Variants in ARID1B observed in about 807,000 individuals in gnomAD.
The protein encoded by ARID1B is AT-rich interactive domain-containing protein 1B.
A neutral mutation model predicts 212.3 loss-of-function variants in ARID1B; 30 were observed. The ratio of observed to expected loss-of-function variants is 0.14; its 90% confidence interval spans 0.11 to 0.19. ARID1B has a LOEUF of 0.19. Ranked by LOEUF, ARID1B falls within the 10% of genes least tolerant of loss-of-function variation. The probability of loss-of-function intolerance (pLI) is 1.00; values close to 1 mark genes in which losing one functional copy is unlikely to be tolerated. For synonymous variants in ARID1B, 1,402 were observed against 1,301.7 expected, an observed-to-expected ratio of 1.08 and a Z score of -1.66; for missense variants, 2,891 against 3,204.0, an observed-to-expected ratio of 0.90 and a Z score of 2.36.
At chr6:156,858,344 A>G (rs988439190) in intron 2 of ARID1B, among the ~76,000 whole-genome samples, 1 of 152,234 alleles carries the variant, frequency 6.6e-6, no homozygotes, top group Non-Finnish European at 1.5e-5. Context: ...GTTAACAATA[A>G]TGTAATTTCA....
intron 5 of ARID1B, among the ~76,000 whole-genome samples, chr6:157,088,793 T>TC (rs1378549906): frequency 6.6e-6 from 1 of 152,212 alleles, no homozygotes; most frequent in African/African-American, 2.4e-5. Flanking sequence ...ATACATCAGA[T>TC]CCCAAGTTCA....
Position 156,871,783 on chromosome 6 carries a change from C to A in ARID1B, c.1987-29593C>A, listed in dbSNP as rs926708925. On this transcript the variant is annotated intron_variant, in intron 2 of 19. Coordinates refer to ENST00000636930, the MANE Select transcript of ARID1B (RefSeq NM_001374828.1). ...GGCTTCTTAGATGGGAGGCTGAGGG[C>A]CCATCCCTGTGCAGGTGCATGTCCT... 1.1e-5 allele frequency: 12 copies of A among 1,083,908 alleles called. No individual in the cohort carries two copies. In the Middle Eastern group the frequency reaches 6.2e-4, roughly 56 times the overall value. 67.1% of individuals were successfully genotyped at this position (1,083,908 alleles called of 1,614,324 possible). A position where few individuals can be genotyped will look rare whatever the true frequency, so the allele number is the denominator to read the frequency against.
At chr6:156,897,264 C>CTTCTTCTTCTTCTTCTTCTTCTTATTA (rs71027320) in intron 2 of ARID1B, among the ~76,000 whole-genome samples, 48 of 83,564 alleles carry the variant, frequency 5.7e-4, no homozygotes, top group Middle Eastern at 5.2e-3. Flanking sequence ...TCTTCTTCTT[C>CTTCTTCTTCTTCTTCTTCTTCTTATTA]TTATTATTAT....
chr6:156,932,146 G>GGCA (rs1491564183), intron 3 of ARID1B, among the ~76,000 whole-genome samples: 2 of 73,666 alleles, frequency 2.7e-5, no homozygotes, highest in Non-Finnish European at 4.6e-5. Context: ...AAAAAAAAAA[G>GGCA]GGGGGGGGCG....
chr6:156,961,432 T>C (rs973816656), intron 4 of ARID1B, among the ~76,000 whole-genome samples: 5 of 152,238 alleles, frequency 3.3e-5, no homozygotes, highest in African/African-American at 1.2e-4. Flanking sequence ...TTCCGGGCAG[T>C]GCTGTGGTGA....
intron 1 of ARID1B, among the ~76,000 whole-genome samples, chr6:156,785,727 T>C (rs1264298932): frequency 6.6e-6 from 1 of 152,356 alleles, no homozygotes; most frequent in East Asian, 1.9e-4. Flanking sequence ...TAGCTGCTAA[T>C]GTGTATTGTA....
chr6:156,874,416 TC>T (rs2128152420), intron 2 of ARID1B, among the ~76,000 whole-genome samples: 1 of 152,288 alleles, frequency 6.6e-6, no homozygotes, highest in East Asian at 1.9e-4. Context: ...CTCTCCTGAT[TC>T]CCCTTCTCAC....
chr6:157,061,070 C>T (rs1783312053), intron 4 of ARID1B, among the ~76,000 whole-genome samples: 3 of 152,132 alleles, frequency 2.0e-5, no homozygotes, highest in Admixed American at 6.5e-5. Flanking sequence ...CCTGTGGACT[C>T]GTGACTCAGG....
At chr6:156,922,648 C>T (rs535292946) in intron 3 of ARID1B, among the ~76,000 whole-genome samples, 1 of 152,334 alleles carries the variant, frequency 6.6e-6, no homozygotes, top group East Asian at 1.9e-4. Flanking sequence ...TTCAAAACAT[C>T]TCTATGAAAT....
At chr6:156,976,739 C>T (rs561180354) in intron 4 of ARID1B, 58 of 482,466 alleles carry the variant, frequency 1.2e-4, no homozygotes, top group South Asian at 3.8e-4. Context: ...TAACACTCAC[C>T]GTGAAGGTCC....
chr6:156,992,477 T>G (rs1778326905), intron 4 of ARID1B, among the ~76,000 whole-genome samples: 1 of 152,198 alleles, frequency 6.6e-6, no homozygotes, highest in African/African-American at 2.4e-5. Flanking sequence ...TTCCACAGCT[T>G]TGTTCTAAGA....
At chr6:156,807,923 G>A (rs1283383397) in intron 1 of ARID1B, among the ~76,000 whole-genome samples, 1 of 152,226 alleles carries the variant, frequency 6.6e-6, no homozygotes, top group East Asian at 1.9e-4. Context: ...GATCAGGATA[G>A]GGTCTTTGGG....
At chr6:156,795,917 A>G (rs899936971) in intron 1 of ARID1B, among the ~76,000 whole-genome samples, 2 of 152,182 alleles carry the variant, frequency 1.3e-5, no homozygotes, top group Non-Finnish European at 2.9e-5. Flanking sequence ...TGTCTTAGAC[A>G]AGGGGTGTAA....
intron 2 of ARID1B, among the ~76,000 whole-genome samples, chr6:156,887,585 A>G (rs941937613): frequency 1.3e-5 from 2 of 152,032 alleles, no homozygotes; most frequent in African/African-American, 4.8e-5. Context: ...TGGGCTTGGC[A>G]TTTTCTTCTG....
intron 6 of ARID1B, among the ~76,000 whole-genome samples, chr6:157,115,197 A>G (rs1469095376): frequency 1.3e-5 from 2 of 152,184 alleles, no homozygotes; most frequent in Non-Finnish European, 2.9e-5. Flanking sequence ...ATTTCCCCAC[A>G]TTGTACACAG....
rs1297667065 is a variant in ARID1B at position 157,190,011 on chromosome 6, A to C, written c.4059-27A>C. 1 of 1,610,654 alleles carries C rather than the reference A, an allele frequency of 6.2e-7. No homozygotes were observed. Among genetic ancestry groups the C allele is most frequent in the Admixed American group, 1.7e-5 (1 of 59,676 alleles). ...TGGAGGTAACTCCTGCTGTATCATT[A>C]AGCTTTCATTCTTTGCCTCTCTTCA... On this transcript the variant is annotated intron_variant, in intron 14 of 19. Coordinates refer to ENST00000636930, the MANE Select transcript of ARID1B (RefSeq NM_001374828.1). The surrounding 1 kb of genome is among the most constrained non-coding windows in gnomAD (Gnocchi z 4.6).
intron 3 of ARID1B, among the ~76,000 whole-genome samples, chr6:156,911,338 G>GTTTTT (rs57374747): frequency 2.8e-4 from 29 of 105,242 alleles, no homozygotes; most frequent in Non-Finnish European, 5.0e-4. Context: ...TAAATAATTA[G>GTTTTT]TTTTTTTTTT....
intron 4 of ARID1B, among the ~76,000 whole-genome samples, chr6:156,967,561 C>T (rs925766303): frequency 2.0e-5 from 3 of 151,984 alleles, no homozygotes; most frequent in Non-Finnish European, 4.4e-5. Flanking sequence ...ACATTTGGTA[C>T]GTAAGATTTG....
At chr6:156,991,888 A>G (rs1490887156) in intron 4 of ARID1B, among the ~76,000 whole-genome samples, 2 of 152,192 alleles carry the variant, frequency 1.3e-5, no homozygotes, top group Non-Finnish European at 2.9e-5. Context: ...GTTCAAGTGT[A>G]TATTTAAAAA....
Sources: gnomAD v4.1 joint callset for allele counts (sites outside exome capture counted in the v4.1 genomes callset) on GRCh38, gnomAD v4.1.1 for gene constraint, Gnocchi (gnomAD v3.1) non-coding constraint, MANE v1.5 for transcripts, NCBI Gene and HGNC (gene_info 2026-07-23, HGNC 2026-07-21) for gene names.